The following TPRG1 variants were observed in gnomAD, a reference collection of about 807,000 sequenced individuals.
The protein encoded by TPRG1 is tumor protein p63 regulated 1, also known as tumor protein p63-regulated gene 1 protein.
A neutral mutation model predicts 29.3 loss-of-function variants in TPRG1; 29 were observed. That is an observed-to-expected ratio of 0.99 (90% CI 0.74 to 1.35). The LOEUF (loss-of-function observed/expected upper bound fraction) is 1.35, where lower values mean the gene tolerates loss of function less well. TPRG1 is among the 40% of genes most tolerant of loss of function. The pLI, the probability that TPRG1 is intolerant of heterozygous loss-of-function variation, is 0.00. For synonymous variants in TPRG1, 130 were observed against 116.8 expected (o/e 1.11, Z -0.73); for missense variants, 327 against 335.0 (o/e 0.98, Z 0.19).
intron 5 of TPRG1, among the ~76,000 whole-genome samples, chr3:189,161,239 G>C (rs1386822079): frequency 1.3e-5 from 2 of 152,200 alleles, no homozygotes; most frequent in African/African-American, 2.4e-5. Flanking sequence ...GGGCTGGAGG[G>C]AACAGGCAAG....
At chr3:189,268,167 G>A (rs1307933487) in intron 4 of TPRG1, among the ~76,000 whole-genome samples, 1 of 152,188 alleles carries the variant, frequency 6.6e-6, no homozygotes. Flanking sequence ...GTGATGAACA[G>A]GGCAGCAGGC....
At chr3:189,144,481 G>A (rs1724986861) in intron 3 of TPRG1, among the ~76,000 whole-genome samples, 1 of 152,172 alleles carries the variant, frequency 6.6e-6, no homozygotes, top group Admixed American at 6.5e-5. Flanking sequence ...CTGTCAAACT[G>A]AGCATTAAAA....
chr3:189,220,371 T>A (rs970852876), intron 3 of TPRG1, among the ~76,000 whole-genome samples: 1 of 152,322 alleles, frequency 6.6e-6, no homozygotes, highest in South Asian at 2.1e-4. Context: ...TGAGCACTTA[T>A]AAAATGCACC....
At chr3:189,197,646 A>G (rs1185018279) in intron 1 of TPRG1, among the ~76,000 whole-genome samples, 2 of 152,198 alleles carry the variant, frequency 1.3e-5, no homozygotes, top group Non-Finnish European at 2.9e-5. Context: ...ACAAATCCTT[A>G]TATAGGTTTA....
intron 1 of TPRG1, among the ~76,000 whole-genome samples, chr3:189,195,315 A>G (rs1316815357): frequency 2.6e-5 from 4 of 152,080 alleles, no homozygotes. Flanking sequence ...CTAAAGTACT[A>G]TTTCCCAAGA....
At chr3:189,316,710 G>GC (rs1439347093) in intron 5 of TPRG1, among the ~76,000 whole-genome samples, 2 of 152,148 alleles carry the variant, frequency 1.3e-5, no homozygotes, top group Non-Finnish European at 2.9e-5. Context: ...CCAACACACA[G>GC]CCCCTGTGTA....
intron 1 of TPRG1, among the ~76,000 whole-genome samples, chr3:189,186,331 GGT>G (rs1416067906): frequency 4.6e-5 from 7 of 152,266 alleles, no homozygotes; most frequent in African/African-American, 1.7e-4. Context: ...TACGAAGGCT[GGT>G]CCTCTCTGAA....
chr3:189,142,253 G>A (rs1368991862), intron 3 of TPRG1, among the ~76,000 whole-genome samples: 1 of 152,150 alleles, frequency 6.6e-6, no homozygotes, highest in Non-Finnish European at 1.5e-5. Flanking sequence ...GTGCAGAAAT[G>A]GAGAGGAAAG....
chr3:189,229,121 G>A (rs1190224061), intron 3 of TPRG1, among the ~76,000 whole-genome samples: 2 of 152,144 alleles, frequency 1.3e-5, no homozygotes, highest in East Asian at 1.9e-4. Flanking sequence ...AATCACAGAA[G>A]ATCCAAATAA....
chr3:189,038,936 G>T (rs1714457786), intron 4 of TPRG1, among the ~76,000 whole-genome samples: 1 of 152,168 alleles, frequency 6.6e-6, no homozygotes, highest in East Asian at 1.9e-4. Flanking sequence ...ACACCCATCA[G>T]ATTGGTAAAA....
chr3:189,167,090 G>A (rs1311979203), upstream of TPRG1, among the ~76,000 whole-genome samples: 1 of 152,220 alleles, frequency 6.6e-6, no homozygotes, highest in East Asian at 1.9e-4. Context: ...AAGGTGGGCT[G>A]TGGTGGTTGC....
intron 3 of TPRG1, among the ~76,000 whole-genome samples, chr3:189,143,174 G>A (rs114284139): frequency 0.016 from 2,401 of 151,940 alleles, 58 homozygotes; most frequent in African/African-American, 0.053. Flanking sequence ...TTTTTATATA[G>A]GATTTTACAT....
chr3:189,036,720 C>G (rs1714291890), intron 4 of TPRG1, among the ~76,000 whole-genome samples: 1 of 151,222 alleles, frequency 6.6e-6, no homozygotes, highest in Admixed American at 6.6e-5. Flanking sequence ...ACACTGGTAA[C>G]AAAAAGTTGA....
chr3:189,237,800 T>G (rs1397250061), intron 3 of TPRG1, among the ~76,000 whole-genome samples: 1 of 152,168 alleles, frequency 6.6e-6, no homozygotes, highest in Non-Finnish European at 1.5e-5. Context: ...ATTGATTCTG[T>G]GTGGTGAGGA....
In TPRG1 at chr3:189,298,077, C is replaced by T. The variant is rs137938132; in HGVS notation, c.480-12309C>T. Among the ~76,000 whole-genome samples the T allele has an allele frequency of 5.9e-4, 90 of 152,208 alleles. No individual in the cohort carries two copies. The East Asian group carries it at 9.6e-3, about 16-fold the overall frequency. On this transcript the variant is annotated intron_variant, in intron 4 of 5. Coordinates refer to ENST00000345063, the MANE Select transcript of TPRG1 (RefSeq NM_198485.4). ...TATGCAAAGCAATATTATTGCAACA[C>T]GAAGATAAATCAAAAACTTCAAGTA...
intron 3 of TPRG1, among the ~76,000 whole-genome samples, chr3:189,234,295 T>TA (rs906427251): frequency 2.6e-5 from 4 of 152,294 alleles, no homozygotes; most frequent in Non-Finnish European, 5.9e-5. Flanking sequence ...GTAATTTATT[T>TA]AAAAAATGCC....
Position 189,085,450 on chromosome 3 carries a change from T to TGTGTGTGTGTGTGC in TPRG1, c.-462-41594_-462-41593insCGTGTGTGTGTGTG, listed in dbSNP as rs1553900885. ...CCTCGTGTCTGTGTGTGTGTGCATG[T>TGTGTGTGTGTGTGC]GTGTGTGTGTGTGTGTGTGTGTGTA... On this transcript the variant is annotated intron_variant, in intron 4 of 10. Transcript: ENST00000433971. Among the ~76,000 whole-genome samples, 319 of 133,034 alleles carry TGTGTGTGTGTGTGC rather than the reference T, an allele frequency of 2.4e-3. 2 individuals carry two copies. Among genetic ancestry groups the TGTGTGTGTGTGTGC allele is most frequent in the African/African-American group, 7.7e-3 (307 of 39,816 alleles). The allele number at this position is 133,034 out of a possible 152,430, so 87.3% of individuals were successfully genotyped here.
intron 4 of TPRG1, among the ~76,000 whole-genome samples, chr3:189,257,004 A>G (rs1414943933): frequency 6.6e-6 from 1 of 152,124 alleles, no homozygotes; most frequent in Admixed American, 6.5e-5. Flanking sequence ...GACTTTTTAC[A>G]TTTAAGGTTA....
At chr3:189,030,949 T>C (rs893177988) in intron 4 of TPRG1, among the ~76,000 whole-genome samples, 1 of 152,156 alleles carries the variant, frequency 6.6e-6, no homozygotes, top group African/African-American at 2.4e-5. Flanking sequence ...CTGTGCCCTA[T>C]TACTTATTAC....
Sources: allele counts gnomAD v4.1 joint callset (sites outside exome capture counted in the v4.1 genomes callset), GRCh38; gene constraint gnomAD v4.1.1; transcripts MANE v1.5; gene names NCBI Gene and HGNC (gene_info 2026-07-23, HGNC 2026-07-21).